The following ENAH variants were observed in gnomAD, a reference collection of about 807,000 sequenced individuals.
ENAH encodes protein enabled homolog.
ENAH carries 23 observed loss-of-function variants against 78.7 expected under a neutral mutation model. That is an observed-to-expected ratio of 0.29 (90% CI 0.21 to 0.41). ENAH has a LOEUF of 0.41. Ranked by LOEUF, ENAH falls within the 10% of genes least tolerant of loss-of-function variation. The pLI is 1.00. For synonymous variants in ENAH, 226 were observed against 241.0 expected, an observed-to-expected ratio of 0.94 and a Z score of 0.58; for missense variants, 544 against 691.0, an observed-to-expected ratio of 0.79 and a Z score of 2.39.
chr1:225,612,417 G>T (rs905829633), intron 1 of ENAH, among the ~76,000 whole-genome samples: 2 of 152,192 alleles, frequency 1.3e-5, no homozygotes, highest in Non-Finnish European at 2.9e-5. Context: ...GCTGCCAGGG[G>T]TTGATGGGGA....
chr1:225,557,514 T>C (rs888257012), intron 2 of ENAH, among the ~76,000 whole-genome samples: 2 of 152,192 alleles, frequency 1.3e-5, no homozygotes, highest in African/African-American at 4.8e-5. Context: ...CTTTCTCAAT[T>C]AAACCGTTAA....
intron 3 of ENAH, among the ~76,000 whole-genome samples, chr1:225,548,508 C>T (rs532553443): frequency 1.3e-5 from 2 of 152,306 alleles, no homozygotes; most frequent in African/African-American, 4.8e-5. Context: ...AAACTGACTT[C>T]CCTCAAAGGC....
chr1:225,653,147 A>G (rs901875491), upstream of ENAH: 24 of 150,410 alleles, frequency 1.6e-4, 1 homozygote, highest in African/African-American at 5.8e-4. This position sits in a 1 kb window ranked among gnomAD's most constrained non-coding sequence, Gnocchi z 4.3. Flanking sequence ...GGAACCCGGG[A>G]GGAGGCGGGG....
In ENAH at chr1:225,493,068, T is replaced by C. The variant is rs2096230557; in HGVS notation, c.*4707A>G. ...CTGTAACCATCCTAAATTTACTGCA[T>C]TAATATTTTACTTTTCTTTCTAATC... On this transcript the variant is annotated 3_prime_UTR_variant, in exon 14 of 14. Transcript: ENST00000366843. The C allele has an allele frequency of 6.6e-6, 1 of 152,198 alleles. No homozygotes were observed. The highest frequency in any genetic ancestry group is 2.4e-5 in the African/African-American group (1 of 41,446). 9.4% of individuals were successfully genotyped at this position (152,198 alleles called of 1,614,324 possible). A position where few individuals can be genotyped will look rare whatever the true frequency, so the allele number is the denominator to read the frequency against.
chr1:225,525,690 C>T (rs899511638), intron 4 of ENAH, among the ~76,000 whole-genome samples: 4 of 152,082 alleles, frequency 2.6e-5, no homozygotes, highest in African/African-American at 9.7e-5. Flanking sequence ...TGCTTTACTC[C>T]CTCATCTTAA....
At chr1:225,527,892 CA>C (rs2096517692) in intron 4 of ENAH, among the ~76,000 whole-genome samples, 1 of 152,110 alleles carries the variant, frequency 6.6e-6, no homozygotes, top group Non-Finnish European at 1.5e-5. Flanking sequence ...AAATCCTAGG[CA>C]GCAAGAAAAG....
intron 1 of ENAH, among the ~76,000 whole-genome samples, chr1:225,641,123 A>C (rs1660978756): frequency 1.3e-5 from 2 of 152,002 alleles, no homozygotes; most frequent in South Asian, 4.1e-4. Context: ...TCAGCCTCCC[A>C]AAGTGCTGGG....
At chr1:225,551,982 G>A (rs2096642728) in intron 3 of ENAH, among the ~76,000 whole-genome samples, 1 of 152,116 alleles carries the variant, frequency 6.6e-6, no homozygotes, top group Non-Finnish European at 1.5e-5. Flanking sequence ...ATTTTTGGCA[G>A]GGTATGATCA....
chr1:225,550,282 C>G (rs191275938), intron 3 of ENAH, among the ~76,000 whole-genome samples: 3 of 152,298 alleles, frequency 2.0e-5, no homozygotes, highest in Admixed American at 2.0e-4. Flanking sequence ...TTCCGAAGGC[C>G]TTTCTTCACA....
intron 1 of ENAH, among the ~76,000 whole-genome samples, chr1:225,592,560 T>C (rs2096882128): frequency 6.6e-6 from 1 of 152,264 alleles, no homozygotes; most frequent in Non-Finnish European, 1.5e-5. Flanking sequence ...TTAAGTTAAC[T>C]GCTACTATAT....
intron 4 of ENAH, among the ~76,000 whole-genome samples, chr1:225,520,448 C>T (rs2096458441): frequency 6.6e-6 from 1 of 151,692 alleles, no homozygotes; most frequent in Non-Finnish European, 1.5e-5. Context: ...ACACGCACCC[C>T]TATATACCTC....
At position 225,492,028 on chromosome 1, in the gene ENAH, A is replaced by G. The variant is rs2096224612; in HGVS notation, c.*5747T>C. On this transcript the variant is annotated 3_prime_UTR_variant, in exon 14 of 14. Transcript: ENST00000366843. ...TGTAGTCTAACAAACTGGGCTCTCTAATGAAATATGTAAGCTTTTCTAATA... is the reference window on the plus strand; with the variant it reads ...TGTAGTCTAACAAACTGGGCTCTCTGATGAAATATGTAAGCTTTTCTAATA... 1 of 152,128 alleles carries G rather than the reference A, an allele frequency of 6.6e-6. No homozygotes were observed. Among genetic ancestry groups the G allele is most frequent in the Non-Finnish European group, 1.5e-5 (1 of 68,028 alleles). The allele number at this position is 152,128 out of a possible 1,614,324, so 9.4% of individuals were successfully genotyped here. A position where few individuals can be genotyped will look rare whatever the true frequency, so the allele number is the denominator to read the frequency against.
chr1:225,641,157 C>A (rs1325864791), intron 1 of ENAH, among the ~76,000 whole-genome samples: 1 of 151,274 alleles, frequency 6.6e-6, no homozygotes, highest in Admixed American at 6.6e-5. Context: ...GCCACCGCGC[C>A]CGGCCAAATA....
chr1:225,507,613 T>A (rs2096343491), intron 11 of ENAH, among the ~76,000 whole-genome samples: 1 of 152,158 alleles, frequency 6.6e-6, no homozygotes. Flanking sequence ...TGTTGACAAC[T>A]GTTAAACCTA....
intron 2 of ENAH, among the ~76,000 whole-genome samples, chr1:225,558,627 C>CTTTTTTTTTTTTTTT (rs71170091): frequency 5.8e-5 from 4 of 69,246 alleles, no homozygotes; most frequent in African/African-American, 1.7e-4. Context: ...TAATTTCTGC[C>CTTTTTTTTTTTTTTT]TTTTTTTTTT....
chr1:225,643,651 A>G (rs1355504916), intron 1 of ENAH, among the ~76,000 whole-genome samples: 1 of 152,236 alleles, frequency 6.6e-6, no homozygotes, highest in Non-Finnish European at 1.5e-5. Context: ...AACAAGAATT[A>G]CTGGCTGGAC....
intron 12 of ENAH, among the ~76,000 whole-genome samples, chr1:225,498,727 G>A (rs933221335): frequency 1.3e-5 from 2 of 152,184 alleles, no homozygotes; most frequent in Non-Finnish European, 2.9e-5. Context: ...CTAGTCCTCT[G>A]GGAACAGTCT....
rs772760390 is a variant in ENAH at position 225,507,954 on chromosome 1, G to C, written c.1535C>G (p.Ser512Cys). ...TMNGSKSPVI[S>C]RPKSTPLSQP... ...ACTTAGAGAAAAAAATTGATACCTG[G>C]AGATAACAGGTGACTTGCTGCCATT... is the stretch of plus-strand genomic sequence containing the variant. The change falls in exon 11 of 14, where the codon TCC (serine) becomes TGC (cysteine). Residue 512 changes from serine (S) to cysteine (C), a missense_variant. Ser to Cys is a moderately radical substitution (Grantham distance 112, BLOSUM62 -1). This residue lies in a region of ENAH where 97 missense variants were observed against 124.4 expected (regional missense o/e 0.78). Coordinates refer to ENST00000366843, the MANE Select transcript of ENAH (RefSeq NM_018212.6). The C allele has an allele frequency of 5.8e-6, 9 of 1,540,440 alleles. No individual in the cohort carries two copies. Among genetic ancestry groups the C allele is most frequent in the Non-Finnish European group, 7.8e-6 (9 of 1,152,212 alleles).
At chr1:225,586,149 A>T (rs1459503946) in intron 1 of ENAH, among the ~76,000 whole-genome samples, 1 of 151,452 alleles carries the variant, frequency 6.6e-6, no homozygotes, top group Non-Finnish European at 1.5e-5. Flanking sequence ...CAAGGAACTC[A>T]AGGCTGAGGC....
Sources: gnomAD v4.1 joint callset for allele counts (sites outside exome capture counted in the v4.1 genomes callset) on GRCh38, gnomAD v4.1.1 for gene constraint, gnomAD v4.1.1 regional missense constraint, Gnocchi (gnomAD v3.1) non-coding constraint, MANE v1.5 for transcripts, NCBI Gene and HGNC (gene_info 2026-07-23, HGNC 2026-07-21) for gene names.